The following CARD10 variants were observed in gnomAD, a reference collection of about 807,000 sequenced individuals.
CARD10 encodes the protein caspase recruitment domain-containing protein 10.
Under a neutral mutation model 114.6 loss-of-function variants are expected in CARD10, and 49 were observed. The observed-to-expected ratio is 0.43, with a 90% CI of 0.34 to 0.54. The LOEUF is 0.54. CARD10 is among the 20% of genes least tolerant of loss of function. The pLI, the probability that CARD10 is intolerant of heterozygous loss-of-function variation, is 0.03. For missense variants in CARD10, 1,206 were observed against 1,397.2 expected (o/e 0.86, Z 2.18); for synonymous variants, 602 against 593.2 (o/e 1.01, Z -0.21).
chr22:37,516,068 G>C lies in CARD10; in HGVS notation c.604C>G (p.Leu202Val). Residue 202 changes from leucine (L) to valine (V), a missense_variant, in exon 3 of 20, where the codon CTC becomes GTC. Transcript: ENST00000251973. Reference sequence around the variant, plus strand: ...GCGATCATGTAGTTCTCATCCTTGAGCCGCAGCAGCTCCAGGCTGCCCGCC... The same window carrying C: ...GCGATCATGTAGTTCTCATCCTTGACCCGCAGCAGCTCCAGGCTGCCCGCC... ...WEAGSLELLR[L>V]KDENYMIAMR... 6.3e-7 allele frequency: 1 copy of C among 1,598,944 alleles called. No individual in the cohort carries two copies. Among genetic ancestry groups the C allele is most frequent in the Non-Finnish European group, 8.5e-7 (1 of 1,173,372 alleles).
At position 37,492,620 on chromosome 22, in the gene CARD10, C is replaced by T; in HGVS notation, c.2635+24G>A. 1 of 1,610,906 alleles carries T rather than the reference C, an allele frequency of 6.2e-7. No homozygotes were observed. The highest frequency in any genetic ancestry group is 8.5e-7 in the Non-Finnish European group (1 of 1,178,630). ...GGCTGCCCAGAGGGGCACCCAGCCT[C>T]CCCTCCCCGGCACATAGTCTCACCC... On this transcript the variant is annotated intron_variant, in intron 17 of 19. Transcript: ENST00000251973. The surrounding 1 kb of genome is among the most constrained non-coding windows in gnomAD (Gnocchi z 5.7).
intron 3 of CARD10, 147 bp downstream of exon 3, chr22:37,515,826 C>T (rs1416946239): frequency 1.6e-6 from 1 of 628,068 alleles, no homozygotes. Context: ...CAGTCATAAC[C>T]CAATGAAGTA....
At chr22:37,507,487 T>C (rs1334524241) in intron 6 of CARD10, among the ~76,000 whole-genome samples, 1 of 152,218 alleles carries the variant, frequency 6.6e-6, no homozygotes, top group African/African-American at 2.4e-5. Flanking sequence ...GCCAAAACTT[T>C]TGAGAATTTC....
Position 37,492,502 on chromosome 22 carries a change from G to A in CARD10, c.2684C>T (p.Pro895Leu), listed in dbSNP as rs1170996714. ...ELCPSSAPGA[P>L]KAQPATPGLG... ...CCCAGGGGTGGCAGGCTGAGCCTTGGGGGCTCCAGGCGCTGAGGATGGGCA... is the reference window on the plus strand; with the variant it reads ...CCCAGGGGTGGCAGGCTGAGCCTTGAGGGCTCCAGGCGCTGAGGATGGGCA... The change falls in exon 18 of 20, where the codon CCC becomes CTC. Residue 895 changes from proline (P) to leucine (L), a missense_variant. Pro to Leu is a moderately conservative substitution (Grantham distance 98). Coordinates refer to ENST00000251973, the MANE Select transcript of CARD10 (RefSeq NM_014550.4). This position sits in a 1 kb window ranked among gnomAD's most constrained non-coding sequence, Gnocchi z 5.7. The A allele has an allele frequency of 1.2e-6, 2 of 1,604,486 alleles. No homozygotes were observed. The highest frequency in any genetic ancestry group is 1.7e-6 in the Non-Finnish European group (2 of 1,174,300).
In CARD10 at chr22:37,504,244, G is replaced by C. The variant is rs1569164767; in HGVS notation, c.1576C>G (p.Pro526Ala). ...CGGCGGAGGATGGAGCCGGCACTGG[G>C]GGGGAAGGGCAGGATGGAGAGCCGA... Reference protein sequence around the residue: ...INRLSILPFPPSAGSILRRQR... With the variant: ...INRLSILPFPASAGSILRRQR... Residue 526 changes from proline to alanine, a missense_variant, in exon 9 of 20, where the codon CCC (proline) becomes GCC (alanine). This residue lies in a region of CARD10 where 1,068 missense variants were observed against 1,179.1 expected (regional missense o/e 0.91). Transcript: ENST00000251973. 1.9e-6 allele frequency: 3 copies of C among 1,581,354 alleles called. No individual in the cohort carries two copies. Among genetic ancestry groups the C allele is most frequent in the Non-Finnish European group, 2.6e-6 (3 of 1,162,980 alleles).
Position 37,516,145 on chromosome 22 carries a change from C to G in CARD10, c.527G>C (p.Arg176Pro). Reference protein sequence around the residue: ...EERAGLEQRLRDQQQAQERCQ... With the variant: ...EERAGLEQRLPDQQQAQERCQ... Reference sequence around the variant, plus strand: ...GCGCTCCTGAGCCTGCTGCTGGTCCCGCAGCCGCTGCTCCAGCCCTGCCCG... The same window carrying G: ...GCGCTCCTGAGCCTGCTGCTGGTCCGGCAGCCGCTGCTCCAGCCCTGCCCG... The change falls in exon 3 of 20, where the codon CGG (arginine) becomes CCG (proline). Residue 176 changes from arginine to proline, a missense_variant. By Grantham distance (103) the Arg-to-Pro change is moderately radical. Around this residue, in one of 2 missense-constraint regions of CARD10, gnomAD observed 1,068 missense variants for 1,179.1 expected, o/e 0.91. Transcript: ENST00000251973. 6.3e-7 allele frequency: 1 copy of G among 1,594,750 alleles called. No homozygotes were observed. Among genetic ancestry groups the G allele is most frequent in the Non-Finnish European group, 8.5e-7 (1 of 1,171,338 alleles).
At position 37,508,539 on chromosome 22, in the gene CARD10, C is replaced by A; in HGVS notation, c.1053G>T (p.Glu351Asp). 6.3e-7 allele frequency: 1 copy of A among 1,594,894 alleles called. No homozygotes were observed. Residue 351 changes from glutamate (E) to aspartate (D), a missense_variant, in exon 5 of 20, where the codon GAG becomes GAT. Physicochemically the swap from Glu to Asp is conservative, Grantham distance 45. Around this residue, in one of 2 missense-constraint regions of CARD10, gnomAD observed 1,068 missense variants for 1,179.1 expected, o/e 0.91. Transcript: ENST00000251973. ...GGCAGGGCCCCACCTGGTCGCGCAG[C>A]TCCTCGGCCCACTGCAGCTCCCCCT... is the stretch of plus-strand genomic sequence containing the variant. Reference protein sequence around the residue: ...AVQGELQWAEELRDQYLQEME... With the variant: ...AVQGELQWAEDLRDQYLQEME...
At position 37,496,758 on chromosome 22, in the gene CARD10, G is replaced by C. The variant is rs540908644; in HGVS notation, c.1948-198C>G. The C allele has an allele frequency of 4.8e-6, 3 of 626,480 alleles. No homozygotes were observed. The highest frequency in any genetic ancestry group is 1.9e-5 in the African/African-American group (1 of 53,864). 38.8% of individuals were successfully genotyped at this position (626,480 alleles called of 1,614,324 possible). On this transcript the variant is annotated intron_variant, in intron 12 of 19. Coordinates refer to ENST00000251973, the MANE Select transcript of CARD10 (RefSeq NM_014550.4). This position sits in a 1 kb window ranked among gnomAD's most constrained non-coding sequence, Gnocchi z 4.1. ...CCCCATCCACAGGACTCCCCAACCC[G>C]CCCAGCTCATCCAGGTCTTTCTCGA...
chr22:37,496,333 G>C lies in CARD10; in HGVS notation c.2059+116C>G, dbSNP rs1290175555. The C allele has an allele frequency of 6.9e-6, 5 of 725,420 alleles. No homozygotes were observed. The South Asian group carries it at 7.3e-5, about 11-fold the overall frequency. The allele number at this position is 725,420 out of a possible 1,614,324, so 44.9% of individuals were successfully genotyped here. On this transcript the variant is annotated intron_variant, in intron 13 of 19. Coordinates refer to ENST00000251973, the MANE Select transcript of CARD10 (RefSeq NM_014550.4). The surrounding 1 kb of genome is among the most constrained non-coding windows in gnomAD (Gnocchi z 4.1). ...ATCAGCAGGCGGGGAGCCAGGAGAA[G>C]GGCAATTGGGGCAAGGCTGGTCCCT...
In CARD10 at chr22:37,496,749, C is replaced by T; in HGVS notation, c.1948-189G>A. On this transcript the variant is annotated intron_variant, in intron 12 of 19. Coordinates refer to ENST00000251973, the MANE Select transcript of CARD10 (RefSeq NM_014550.4). The surrounding 1 kb of genome is among the most constrained non-coding windows in gnomAD (Gnocchi z 4.1). ...ACAGGACGCCCCCATCCACAGGACT[C>T]CCCAACCCGCCCAGCTCATCCAGGT... The T allele has an allele frequency of 1.6e-6, 1 of 630,732 alleles. No individual in the cohort carries two copies. Among genetic ancestry groups the T allele is most frequent in the Non-Finnish European group, 2.7e-6 (1 of 364,920 alleles). The allele number at this position is 630,732 out of a possible 1,614,324, so 39.1% of individuals were successfully genotyped here. A position where few individuals can be genotyped will look rare whatever the true frequency, so the allele number is the denominator to read the frequency against.
Position 37,501,790 on chromosome 22 carries a change from AAC to A in CARD10, c.1787+810_1787+811del, listed in dbSNP as rs1491039796. Among the ~76,000 whole-genome samples the A allele has an allele frequency of 6.6e-6, 1 of 152,222 alleles. No individual in the cohort carries two copies. Among genetic ancestry groups the A allele is most frequent in the Admixed American group, 6.5e-5 (1 of 15,292 alleles). On this transcript the variant is annotated intron_variant, in intron 11 of 19. Transcript: ENST00000251973. The surrounding 1 kb of genome is among the most constrained non-coding windows in gnomAD (Gnocchi z 5.4). ...TCCCTGGACAAAGAGCATGTTGTAA[AAC>A]AGCCAGCAGCTGGCCTTGCAGTTAA...
intron 4 of CARD10, 50 bp downstream of exon 4, chr22:37,510,162 G>C (rs769380945): frequency 2.6e-6 from 4 of 1,515,092 alleles, no homozygotes; most frequent in Non-Finnish European, 3.6e-6. Context: ...CCTGCTGCAG[G>C]CCCTCCTGAC....
At chr22:37,516,361 T>C in intron 2 of CARD10, 63 bp from the exon 3 acceptor site, 2 of 1,227,778 alleles carry the variant, frequency 1.6e-6, no homozygotes, top group Non-Finnish European at 2.2e-6. Context: ...GGAGATAACA[T>C]ACTGTGTCAA....
intron 5 of CARD10, 100 bp downstream of exon 5, chr22:37,508,427 C>T (rs56237939): frequency 0.012 from 15,484 of 1,268,344 alleles, 168 homozygotes; most frequent in Admixed American, 0.051. Context: ...CAGTTCTCAG[C>T]GCGGCGCCTG....
chr22:37,507,459 A>T (rs1378452521), intron 6 of CARD10, among the ~76,000 whole-genome samples: 1 of 152,244 alleles, frequency 6.6e-6, no homozygotes, highest in Non-Finnish European at 1.5e-5. Context: ...CAAGGGTCAT[A>T]GTGCCCAGGG....
chr22:37,518,537 G>A (rs1434743890), intron 1 of CARD10, among the ~76,000 whole-genome samples: 2 of 152,228 alleles, frequency 1.3e-5, no homozygotes, highest in Non-Finnish European at 2.9e-5. Flanking sequence ...ACGTAAAGCT[G>A]AGACGGATCT....
chr22:37,502,677 G>C lies in CARD10; in HGVS notation c.1712C>G (p.Ser571Cys). Residue 571 changes from serine to cysteine, a missense_variant, in exon 11 of 20, where the codon TCC (serine) becomes TGC (cysteine). This residue lies in a region of CARD10 where 1,068 missense variants were observed against 1,179.1 expected (regional missense o/e 0.91). Coordinates refer to ENST00000251973, the MANE Select transcript of CARD10 (RefSeq NM_014550.4). Reference protein sequence around the residue: ...PWSPGLSSSSSSDSVWPLGKP... With the variant: ...PWSPGLSSSSCSDSVWPLGKP... ...TCCCAAAGGCCACACGCTGTCAGAG[G>C]ATGAGGACGAAGAGAGGCCAGGGGA... is the stretch of plus-strand genomic sequence containing the variant. 1 of 1,613,928 alleles carries C rather than the reference G, an allele frequency of 6.2e-7. No homozygotes were observed. Among genetic ancestry groups the C allele is most frequent in the Non-Finnish European group, 8.5e-7 (1 of 1,179,940 alleles).
Position 37,492,680 on chromosome 22 carries a change from G to GGATGAGCCGGGGCGC in CARD10, c.2598_2599insGCGCCCCGGCTCATC (p.Leu866_Pro867insAlaProArgLeuIle). On this transcript the variant is annotated inframe_insertion, in exon 17 of 20. Transcript: ENST00000251973. This position sits in a 1 kb window ranked among gnomAD's most constrained non-coding sequence, Gnocchi z 5.7. ...ACTTGGAAGTCCAGCCGGGAGCTGG[G>GGATGAGCCGGGGCGC]CAGGTCTAGCAGGTTACGGATGAGC... The GGATGAGCCGGGGCGC allele has an allele frequency of 6.2e-7, 1 of 1,613,124 alleles. No homozygotes were observed. The highest frequency in any genetic ancestry group is 2.2e-5 in the East Asian group (1 of 44,872).
chr22:37,508,472 C>G, intron 5 of CARD10, 55 bp downstream of exon 5: 3 of 1,504,100 alleles, frequency 2.0e-6, no homozygotes, highest in Non-Finnish European at 2.7e-6. Context: ...CGTGAGCACA[C>G]AGGCCCTGCC....
Sources: allele counts gnomAD v4.1 joint callset (sites outside exome capture counted in the v4.1 genomes callset), GRCh38; gene constraint gnomAD v4.1.1; regional missense constraint gnomAD v4.1.1; non-coding constraint Gnocchi (gnomAD v3.1); transcripts MANE v1.5; gene names NCBI Gene and HGNC (gene_info 2026-07-23, HGNC 2026-07-21).